CHRM3: variants seen among roughly 807,000 people sequenced by gnomAD.
CHRM3 encodes the protein muscarinic acetylcholine receptor M3.
In CHRM3, 11 loss-of-function variants were observed where a neutral mutation model predicts 41.8. The observed-to-expected ratio is 0.26, with a 90% CI of 0.17 to 0.44. CHRM3 has a LOEUF of 0.44. Among genes scored for constraint, CHRM3 ranks in the 20% least tolerant of loss-of-function variants. CHRM3 has a pLI of 1.00. For synonymous variants in CHRM3, 297 were observed against 301.4 expected (o/e 0.99, Z 0.15); for missense variants, 571 against 745.4 (o/e 0.77, Z 2.72).
At chr1:239,447,461 T>C (rs1664235030) in intron 1 of CHRM3, among the ~76,000 whole-genome samples, 2 of 152,196 alleles carry the variant, frequency 1.3e-5, no homozygotes, top group South Asian at 4.1e-4. Flanking sequence ...TGTTTTATTT[T>C]CTTCAAAAGC....
intron 3 of CHRM3, among the ~76,000 whole-genome samples, chr1:239,548,879 G>C (rs1031024114): frequency 6.6e-6 from 1 of 152,198 alleles, no homozygotes; most frequent in Admixed American, 6.5e-5. Flanking sequence ...CGGTTGGAAT[G>C]CTGGCCCTAC....
intron 2 of CHRM3, among the ~76,000 whole-genome samples, chr1:239,538,218 C>T (rs1274118366): frequency 6.6e-6 from 1 of 152,246 alleles, no homozygotes; most frequent in Non-Finnish European, 1.5e-5. Flanking sequence ...CTTTAATTTA[C>T]ATAGTTCTCA....
intron 2 of CHRM3, among the ~76,000 whole-genome samples, chr1:239,536,690 C>T (rs1433177694): frequency 6.6e-6 from 1 of 152,064 alleles, no homozygotes; most frequent in Admixed American, 6.5e-5. Context: ...AACAAGAAAA[C>T]CCTGGTCGTA....
chr1:239,579,469 G>A (rs1279130149), intron 3 of CHRM3, among the ~76,000 whole-genome samples: 1 of 152,044 alleles, frequency 6.6e-6, no homozygotes, highest in African/African-American at 2.4e-5. Context: ...TATTTCGAAG[G>A]TCACCAGCCT....
chr1:239,579,016 GAATT>G (rs1662626837), intron 3 of CHRM3, among the ~76,000 whole-genome samples: 2 of 152,200 alleles, frequency 1.3e-5, no homozygotes, highest in Non-Finnish European at 2.9e-5. Context: ...TCCATTACTA[GAATT>G]AATTATTAGC....
chr1:239,569,339 CTTTT>C (rs572100084), intron 3 of CHRM3, among the ~76,000 whole-genome samples: 161 of 152,254 alleles, frequency 1.1e-3, no homozygotes, highest in African/African-American at 3.7e-3. Context: ...TTCTAATGAT[CTTTT>C]TTGACTTTGA....
Position 239,860,350 on chromosome 1 carries a change from C to T in CHRM3, c.-20+32972C>T, listed in dbSNP as rs560428244. 1.6e-3 allele frequency among the ~76,000 whole-genome samples: 238 copies of T among 152,254 alleles called. 1 individual carries two copies. Among genetic ancestry groups the T allele is most frequent in the Non-Finnish European group, 2.6e-3 (178 of 68,022 alleles). On this transcript the variant is annotated intron_variant, in intron 6 of 6. Transcript: ENST00000676153. ...TTATTACTAAATGTATGAATACCCA[C>T]ATTTCTGCATTTAACAGCAAACATG...
chr1:239,776,834 A>T (rs1255096752), intron 5 of CHRM3, among the ~76,000 whole-genome samples: 1 of 152,192 alleles, frequency 6.6e-6, no homozygotes, highest in African/African-American at 2.4e-5. Flanking sequence ...ACATGGCAGC[A>T]GCAAGGAGAA....
At chr1:239,850,327 G>A (rs1050043936) in intron 6 of CHRM3, among the ~76,000 whole-genome samples, 1 of 152,148 alleles carries the variant, frequency 6.6e-6, no homozygotes, top group Non-Finnish European at 1.5e-5. Context: ...TTCACACTGA[G>A]TGGCTGAAGA....
intron 1 of CHRM3, among the ~76,000 whole-genome samples, chr1:239,401,790 G>C (rs1292605635): frequency 6.6e-6 from 1 of 152,100 alleles, no homozygotes; most frequent in Non-Finnish European, 1.5e-5. Context: ...ACCATGCCCG[G>C]CAGACTTTGA....
intron 4 of CHRM3, among the ~76,000 whole-genome samples, chr1:239,634,379 A>AAGAAAGAAAGAC (rs773550261): frequency 0.024 from 3,475 of 144,048 alleles, 48 homozygotes; most frequent in African/African-American, 0.027. Context: ...GAACAAACGA[A>AAGAAAGAAAGAC]AGAAAGAAAG....
intron 1 of CHRM3, among the ~76,000 whole-genome samples, chr1:239,457,646 C>T (rs1024202231): frequency 6.6e-6 from 1 of 152,054 alleles, no homozygotes; most frequent in Non-Finnish European, 1.5e-5. Context: ...CAAAAATAAA[C>T]GTTGAGGGCT....
chr1:239,760,401 T>C (rs1242034633), intron 5 of CHRM3, among the ~76,000 whole-genome samples: 1 of 152,164 alleles, frequency 6.6e-6, no homozygotes, highest in Admixed American at 6.5e-5. Flanking sequence ...ATGTAGTTTA[T>C]TGTAGCACGG....
rs77449200 is a variant in CHRM3, at chr1:239,608,526, G to T, written c.-312-23698G>T. Reference sequence around the variant, plus strand: ...GTATGTCCTAAAATAAGCAACATGAGTACTTTTACATAGAAGGAAGTGCCA... The same window carrying T: ...GTATGTCCTAAAATAAGCAACATGATTACTTTTACATAGAAGGAAGTGCCA... On this transcript the variant is annotated intron_variant, in intron 3 of 6. Transcript: ENST00000676153. Among the ~76,000 whole-genome samples the T allele has an allele frequency of 4.2e-4, 64 of 152,132 alleles. No individual in the cohort carries two copies. In the East Asian group the frequency reaches 0.011, roughly 27 times the overall value.
intron 5 of CHRM3, among the ~76,000 whole-genome samples, chr1:239,825,677 T>C (rs1240672646): frequency 6.6e-6 from 1 of 152,234 alleles, no homozygotes; most frequent in African/African-American, 2.4e-5. Context: ...ACACATACAA[T>C]GGAATATCAT....
rs1659099614 is a variant in CHRM3, at chr1:239,544,520, G to A, written c.-421-1121G>A. On this transcript the variant is annotated intron_variant, in intron 2 of 6. Coordinates refer to ENST00000676153, the MANE Select transcript of CHRM3 (RefSeq NM_001375978.1). ...TGAACTTCATTCAAATGATATTTCA[G>A]ATTATTCTTTTTCTTCTTGAGATTG... Among the ~76,000 whole-genome samples, 5 of 152,114 alleles carry A rather than the reference G, an allele frequency of 3.3e-5. No individual in the cohort carries two copies. In the South Asian group the frequency reaches 1.0e-3, roughly 31 times the overall value.
At chr1:239,458,471 A>G (rs1665118830) in intron 1 of CHRM3, among the ~76,000 whole-genome samples, 3 of 152,186 alleles carry the variant, frequency 2.0e-5, no homozygotes, top group Non-Finnish European at 2.9e-5. Context: ...AAAAAGAAAT[A>G]TATTGCTTAT....
At chr1:239,783,119 A>G (rs992412833) in intron 5 of CHRM3, among the ~76,000 whole-genome samples, 6 of 152,098 alleles carry the variant, frequency 3.9e-5, no homozygotes, top group African/African-American at 1.4e-4. Flanking sequence ...CATTATACCT[A>G]TGGTATTTTT....
At chr1:239,776,765 G>T (rs1049927001) in intron 5 of CHRM3, among the ~76,000 whole-genome samples, 1 of 152,166 alleles carries the variant, frequency 6.6e-6, no homozygotes, top group African/African-American at 2.4e-5. Context: ...CCACAGGGCT[G>T]GGGAGGCCTC....
Sources: allele counts gnomAD v4.1 joint callset (sites outside exome capture counted in the v4.1 genomes callset), GRCh38; gene constraint gnomAD v4.1.1; transcripts MANE v1.5; gene names NCBI Gene and HGNC (gene_info 2026-07-23, HGNC 2026-07-21).